The following STX12 variants were observed in gnomAD, a reference collection of about 807,000 sequenced individuals.
The protein encoded by STX12 is syntaxin-12.
In STX12, 17 loss-of-function variants were observed where a neutral mutation model predicts 42.2. The ratio of observed to expected loss-of-function variants is 0.40; its 90% CI spans 0.28 to 0.60. STX12 has a LOEUF of 0.60. STX12 is among the 20% of genes least tolerant of loss of function. STX12 has a pLI of 0.39. For synonymous variants in STX12, 108 were observed against 116.7 expected (o/e 0.93, Z 0.48); for missense variants, 297 against 330.9 (o/e 0.90, Z 0.79).
intron 1 of STX12, among the ~76,000 whole-genome samples, chr1:27,779,343 G>GTTTTT (rs557848101): frequency 1.4e-5 from 2 of 144,186 alleles, no homozygotes; most frequent in African/African-American, 5.2e-5. Context: ...GTTTTTTTTT[G>GTTTTT]TTTTTTTTTG....
intron 3 of STX12, among the ~76,000 whole-genome samples, chr1:27,798,383 G>A (rs1018781049): frequency 6.6e-6 from 1 of 151,662 alleles, no homozygotes; most frequent in South Asian, 2.1e-4. Flanking sequence ...GGTGGCTCAT[G>A]CCTATAATCC....
At chr1:27,773,591 G>T (rs150234598) in intron 1 of STX12, among the ~76,000 whole-genome samples, 166 bp downstream of exon 1, 5 of 152,292 alleles carry the variant, frequency 3.3e-5, no homozygotes, top group African/African-American at 1.2e-4. Context: ...AATCTGTCAG[G>T]CCCGGGTTGC....
chr1:27,795,466 C>T (rs187463274), intron 3 of STX12, among the ~76,000 whole-genome samples: 6 of 152,100 alleles, frequency 3.9e-5, no homozygotes, highest in East Asian at 1.9e-4. Flanking sequence ...CTACCACGCT[C>T]GGCTAATTTT....
intron 1 of STX12, among the ~76,000 whole-genome samples, chr1:27,774,638 C>T (rs1351933973): frequency 6.6e-6 from 1 of 152,002 alleles, no homozygotes; most frequent in African/African-American, 2.4e-5. Flanking sequence ...GGATTACAGG[C>T]GTGAGCCACT....
chr1:27,797,258 C>T (rs1023224236), intron 3 of STX12, among the ~76,000 whole-genome samples: 4 of 152,088 alleles, frequency 2.6e-5, no homozygotes, highest in Admixed American at 6.5e-5. Context: ...GGTTTTGCCA[C>T]GTTGGCCAGG....
At chr1:27,795,021 C>T (rs2088774363) in intron 3 of STX12, among the ~76,000 whole-genome samples, 1 of 152,144 alleles carries the variant, frequency 6.6e-6, no homozygotes, top group Non-Finnish European at 1.5e-5. Flanking sequence ...CTGTGCCTGA[C>T]CTTTATATCG....
At chr1:27,811,894 C>A in intron 5 of STX12, 1 of 521,986 alleles carries the variant, frequency 1.9e-6, no homozygotes, top group Non-Finnish European at 3.8e-6. Flanking sequence ...CAGAGTATAC[C>A]CCTAAATGGA....
At chr1:27,792,099 T>TATAA (rs546602613) in intron 2 of STX12, among the ~76,000 whole-genome samples, 2,781 of 134,166 alleles carry the variant, frequency 0.021, 303 homozygotes, top group African/African-American at 0.084. Flanking sequence ...AAATATAAAA[T>TATAA]ATATAGTATA....
At chr1:27,801,645 AT>A in intron 3 of STX12, 32 bp from the exon 4 acceptor site, 1 of 1,471,282 alleles carries the variant, frequency 6.8e-7, no homozygotes, top group Non-Finnish European at 9.0e-7. Flanking sequence ...CTGGGTTAAT[AT>A]GAAATCTCAA....
rs541843320 is a variant in STX12 at position 27,790,142 on chromosome 1, C to T, written c.188+511C>T. ...TCATTACTGAAACAATATAGTAGAACAATTATTTACATAGTATTTACATTG... is the reference window on the plus strand; with the variant it reads ...TCATTACTGAAACAATATAGTAGAATAATTATTTACATAGTATTTACATTG... On this transcript the variant is annotated intron_variant, in intron 2 of 8. Coordinates refer to ENST00000373943, the MANE Select transcript of STX12 (RefSeq NM_177424.3). 3.9e-5 allele frequency among the ~76,000 whole-genome samples: 6 copies of T among 152,240 alleles called. No individual in the cohort carries two copies. The East Asian group carries it at 1.2e-3, about 29-fold the overall frequency.
rs200152423 is a variant in STX12, at chr1:27,773,272, G to A, written c.-36G>A. On this transcript the variant is annotated 5_prime_UTR_variant, in exon 1 of 9. Coordinates refer to ENST00000373943, the MANE Select transcript of STX12 (RefSeq NM_177424.3). ...CGGCTGGCGGCTGCTTCCGGTAGGA[G>A]AGCGGTGTAGAGCGAGCAGGTCTCA... is the stretch of plus-strand genomic sequence containing the variant. The A allele has an allele frequency of 9.7e-5, 138 of 1,417,434 alleles. 1 individual carries two copies. The African/African-American group carries it at 1.6e-3, about 16-fold the overall frequency. 87.8% of individuals were successfully genotyped at this position (1,417,434 alleles called of 1,614,324 possible).
intron 1 of STX12, among the ~76,000 whole-genome samples, chr1:27,776,572 C>G (rs1375945593): frequency 6.6e-6 from 1 of 151,992 alleles, no homozygotes; most frequent in Non-Finnish European, 1.5e-5. Context: ...TAAAAATTAG[C>G]CAGACATGGT....
chr1:27,799,959 GCCAGGACGGTCTTGAATAATT>G (rs1253135182), intron 3 of STX12, among the ~76,000 whole-genome samples: 3 of 151,560 alleles, frequency 2.0e-5, no homozygotes, highest in Admixed American at 6.6e-5. Flanking sequence ...CACCATGTTG[GCCAGGACGGTCTTGAATAATT>G]CCTGCCCTCA....
chr1:27,776,869 G>A (rs1017567040), intron 1 of STX12, among the ~76,000 whole-genome samples: 5 of 152,182 alleles, frequency 3.3e-5, no homozygotes, highest in Admixed American at 3.3e-4. Context: ...TCTTCTCGTG[G>A]TGTGTTCATC....
chr1:27,778,504 A>G (rs1238847714), intron 1 of STX12, among the ~76,000 whole-genome samples: 2 of 152,162 alleles, frequency 1.3e-5, no homozygotes, highest in African/African-American at 2.4e-5. Context: ...CAGCCTGGCC[A>G]ACATGGCGAA....
At position 27,793,587 on chromosome 1, in the gene STX12, GA is replaced by G; in HGVS notation, c.246del (p.Glu83AsnfsTer2). ...QLAKETNELL[K>X]ELGSLPLPLS... The stretch of plus-strand genomic sequence containing the variant: ...TCGCCAAGGAAACAAATGAATTGCT[GA>G]AAGAATTAGGGTCCTTGCCCCTTCC... On this transcript the variant is annotated frameshift_variant, in exon 3 of 9. Transcript: ENST00000373943. LOFTEE classifies it high-confidence loss of function. 1 of 1,614,098 alleles carries G rather than the reference GA, an allele frequency of 6.2e-7. No homozygotes were observed. The highest frequency in any genetic ancestry group is 8.5e-7 in the Non-Finnish European group (1 of 1,180,002).
chr1:27,778,511 C>T (rs1298777173), intron 1 of STX12, among the ~76,000 whole-genome samples: 1 of 151,934 alleles, frequency 6.6e-6, no homozygotes, highest in African/African-American at 2.4e-5. Context: ...GCCAACATGG[C>T]GAAACCCTGC....
intron 2 of STX12, among the ~76,000 whole-genome samples, chr1:27,790,093 A>G (rs2148599472): frequency 6.6e-6 from 1 of 152,310 alleles, no homozygotes. Flanking sequence ...GTCTCTACTG[A>G]AGATGTACAG....
chr1:27,798,273 G>A (rs974902351), intron 3 of STX12, among the ~76,000 whole-genome samples: 2 of 152,082 alleles, frequency 1.3e-5, no homozygotes, highest in African/African-American at 4.8e-5. Flanking sequence ...GTTCACACCT[G>A]TAATCCCAGA....
Sources: gnomAD v4.1 joint callset for allele counts (sites outside exome capture counted in the v4.1 genomes callset) on GRCh38, gnomAD v4.1.1 for gene constraint, MANE v1.5 for transcripts, NCBI Gene and HGNC (gene_info 2026-07-23, HGNC 2026-07-21) for gene names.